PRLR: variants seen among roughly 807,000 people sequenced by gnomAD.
The protein encoded by PRLR is hPRL receptor.
In PRLR, 13 loss-of-function variants were observed where a neutral mutation model predicts 40.2. That is an observed-to-expected ratio of 0.32 (90% CI 0.21 to 0.51). The LOEUF is 0.51. Ranked by LOEUF, PRLR falls within the 20% of genes least tolerant of loss-of-function variation. PRLR has a pLI of 0.97. For missense variants in PRLR, 656 were observed against 747.3 expected (o/e 0.88, Z 1.42); for synonymous variants, 269 against 278.7 (o/e 0.97, Z 0.35).
intron 1 of PRLR, among the ~76,000 whole-genome samples, chr5:35,147,855 T>C (rs1774224174): frequency 6.6e-6 from 1 of 152,204 alleles, no homozygotes; most frequent in South Asian, 2.1e-4. Flanking sequence ...GTATTTTTCA[T>C]GCAATCAAAT....
Position 35,135,101 on chromosome 5 carries a change from T to G in PRLR, c.-105-16979A>C, listed in dbSNP as rs3797214. On this transcript the variant is annotated intron_variant, in intron 1 of 9. Transcript: ENST00000618457. ...ATTTAGAGATTTGTGTTTTTTTTTT[T>G]TCTTAGAGAGTTCTATCCTGTTGCT... 9.3e-5 allele frequency among the ~76,000 whole-genome samples: 14 copies of G among 149,890 alleles called. No homozygotes were observed. In the East Asian group the frequency reaches 1.8e-3, roughly 19 times the overall value.
rs1309708510 is a variant in PRLR at position 35,065,178 on chromosome 5, T to C, written c.1780A>G (p.Asn594Asp). 1 of 1,614,228 alleles carries C rather than the reference T, an allele frequency of 6.2e-7. No individual in the cohort carries two copies. The highest frequency in any genetic ancestry group is 1.7e-5 in the Admixed American group (1 of 60,032). The part of the protein sequence containing the change: ...EQNQAEKALA[N>D]FTATSSKCRL... ...CACTTGCTTGATGTTGCAGTGAAGT[T>C]GGCCAGGGCTTTCTCAGCTTGATTC... Residue 594 changes from asparagine (N) to aspartate (D), a missense_variant, in exon 10 of 10, where the codon AAC becomes GAC. This residue lies in a region of PRLR where 469 missense variants were observed against 491.5 expected (regional missense o/e 0.95). Transcript: ENST00000618457.
chr5:35,157,655 G>A (rs539652125), intron 1 of PRLR, among the ~76,000 whole-genome samples: 1 of 152,270 alleles, frequency 6.6e-6, no homozygotes, highest in South Asian at 2.1e-4. Flanking sequence ...AGACACTCTG[G>A]CATCTACTTT....
rs751758872 is a variant in PRLR at position 35,065,112 on chromosome 5, A to T, written c.1846T>A (p.Cys616Ser). ...TATCAGTGAAAGGAGTGTGTAAAAC[A>T]TGCGGGATCCAGGTAATCCAAACCA... Reference protein sequence around the residue: ...LGGLDYLDPACFTHSFH With the variant: ...LGGLDYLDPASFTHSFH Residue 616 changes from cysteine (C) to serine (S), a missense_variant, in exon 10 of 10, where the codon TGT becomes AGT. Transcript: ENST00000618457. 1 of 1,613,102 alleles carries T rather than the reference A, an allele frequency of 6.2e-7. No homozygotes were observed. The highest frequency in any genetic ancestry group is 8.5e-7 in the Non-Finnish European group (1 of 1,179,244).
intron 1 of PRLR, among the ~76,000 whole-genome samples, chr5:35,185,251 G>T (rs1775396431): frequency 1.3e-5 from 2 of 152,228 alleles, no homozygotes; most frequent in South Asian, 4.2e-4. Flanking sequence ...GGTATATGTA[G>T]CCAGTAGATC....
At chr5:35,049,319 A>G (rs1321518569) in exon 9 of PRLR, 3 of 703,186 alleles carry the variant, frequency 4.3e-6, no homozygotes, top group Non-Finnish European at 7.8e-6. Flanking sequence ...GCCTTTGTGA[A>G]CACCGCAAGT....
chr5:35,205,891 C>A (rs180868041), intron 1 of PRLR, among the ~76,000 whole-genome samples: 1 of 152,142 alleles, frequency 6.6e-6, no homozygotes, highest in Non-Finnish European at 1.5e-5. Flanking sequence ...GGTTTAAGAA[C>A]ACATTACATA....
At chr5:35,199,751 T>TA (rs1427451136) in intron 1 of PRLR, among the ~76,000 whole-genome samples, 6 of 152,226 alleles carry the variant, frequency 3.9e-5, no homozygotes, top group Non-Finnish European at 8.8e-5. Flanking sequence ...ATTAATAATT[T>TA]ATATATTTCA....
chr5:35,141,320 C>T (rs1774019097), intron 1 of PRLR, among the ~76,000 whole-genome samples: 2 of 151,712 alleles, frequency 1.3e-5, no homozygotes, highest in South Asian at 4.2e-4. Flanking sequence ...ACAATTCTAA[C>T]AGACACACTA....
At chr5:35,087,946 T>C (rs1280455117) in intron 3 of PRLR, among the ~76,000 whole-genome samples, 1 of 152,178 alleles carries the variant, frequency 6.6e-6, no homozygotes, top group Non-Finnish European at 1.5e-5. Context: ...CTTTCAGATA[T>C]GGGTCAGCAC....
At chr5:35,107,245 A>G (rs1772321266) in intron 2 of PRLR, among the ~76,000 whole-genome samples, 1 of 152,250 alleles carries the variant, frequency 6.6e-6, no homozygotes, top group African/African-American at 2.4e-5. Flanking sequence ...AGGGAAATTT[A>G]TAGCACTAAA....
rs569397539 is a variant in PRLR at position 35,160,099 on chromosome 5, T to C, written c.-105-41977A>G. Among the ~76,000 whole-genome samples the C allele has an allele frequency of 3.3e-5, 5 of 152,320 alleles. No homozygotes were observed. The East Asian group carries it at 5.8e-4, about 18-fold the overall frequency. ...TCATGGGCTCAGATGTGTTACTCTA[T>C]AACAGAGGCAGGCAAACTACTGCTC... is the stretch of plus-strand genomic sequence containing the variant. On this transcript the variant is annotated intron_variant, in intron 1 of 9. Transcript: ENST00000618457.
At chr5:35,182,368 A>G (rs1405354461) in intron 1 of PRLR, among the ~76,000 whole-genome samples, 1 of 152,160 alleles carries the variant, frequency 6.6e-6, no homozygotes, top group African/African-American at 2.4e-5. Context: ...TTCCACACAG[A>G]TAGATTTGAC....
At chr5:35,197,551 AGCT>A (rs1775769727) in intron 1 of PRLR, among the ~76,000 whole-genome samples, 1 of 152,214 alleles carries the variant, frequency 6.6e-6, no homozygotes, top group African/African-American at 2.4e-5. Flanking sequence ...TCCTCAGCTC[AGCT>A]GCTTCCATCA....
chr5:35,068,798 C>G lies in PRLR; in HGVS notation c.766G>C (p.Val256Leu). The G allele has an allele frequency of 5.0e-6, 8 of 1,609,788 alleles. No individual in the cohort carries two copies. The highest frequency in any genetic ancestry group is 6.8e-6 in the Non-Finnish European group (8 of 1,176,454). ...AVICLIIVWA[V>L]ALKGYSMVTC... Reference sequence around the variant, plus strand: ...AAGTACCTATAGCCCTTCAAAGCCACTGCCCAGACAATAATCAAACAGATG... The same window carrying G: ...AAGTACCTATAGCCCTTCAAAGCCAGTGCCCAGACAATAATCAAACAGATG... The change falls in exon 8 of 10, where the codon GTG becomes CTG. Residue 256 changes from valine (V) to leucine (L), a missense_variant. By Grantham distance (32) the Val-to-Leu change is conservative (BLOSUM62 1). Coordinates refer to ENST00000618457, the MANE Select transcript of PRLR (RefSeq NM_000949.7).
At chr5:35,209,139 A>G (rs921162778) in intron 1 of PRLR, among the ~76,000 whole-genome samples, 8 of 151,412 alleles carry the variant, frequency 5.3e-5, no homozygotes, top group Admixed American at 3.9e-4. Context: ...ACCATGTATC[A>G]GTGTTTTTTT....
At chr5:35,103,156 GT>G (rs1287353919) in intron 2 of PRLR, among the ~76,000 whole-genome samples, 1 of 152,148 alleles carries the variant, frequency 6.6e-6, no homozygotes, top group Admixed American at 6.5e-5. Context: ...TCTCATATAT[GT>G]TCCAGATAGT....
intron 2 of PRLR, among the ~76,000 whole-genome samples, chr5:35,108,512 C>T (rs1046818430): frequency 2.6e-5 from 4 of 152,216 alleles, no homozygotes; most frequent in African/African-American, 9.6e-5. Flanking sequence ...GCAACTTCAG[C>T]AAAGTCTCAG....
At chr5:35,200,751 G>A (rs544845572) in intron 1 of PRLR, among the ~76,000 whole-genome samples, 14 of 152,220 alleles carry the variant, frequency 9.2e-5, no homozygotes, top group East Asian at 5.8e-4. Context: ...CCCTACATAC[G>A]CCTGGCCTGA....
Sources: gnomAD v4.1 joint callset for allele counts (sites outside exome capture counted in the v4.1 genomes callset) on GRCh38, gnomAD v4.1.1 for gene constraint, gnomAD v4.1.1 regional missense constraint, MANE v1.5 for transcripts, NCBI Gene and HGNC (gene_info 2026-07-23, HGNC 2026-07-21) for gene names.